Variants in CCDC126 observed in about 807,000 individuals in gnomAD.
CCDC126 encodes the protein coiled-coil domain containing 126.
Under a neutral mutation model 11.7 loss-of-function variants are expected in CCDC126, and 5 were observed. The observed-to-expected ratio is 0.43, with a 90% CI of 0.22 to 0.90. CCDC126 has a LOEUF of 0.90. Ranked by LOEUF, CCDC126 falls within the 40% of genes least tolerant of loss-of-function variation. The probability of loss-of-function intolerance (pLI) is 0.27; values close to 1 mark genes in which losing one functional copy is unlikely to be tolerated. For missense variants in CCDC126, 150 were observed against 163.1 expected, an observed-to-expected ratio of 0.92 and a Z score of 0.44; for synonymous variants, 60 against 61.9, an observed-to-expected ratio of 0.97 and a Z score of 0.14.
chr7:23,616,322 C>T (rs916572546), intron 3 of CCDC126, among the ~76,000 whole-genome samples: 1 of 152,182 alleles, frequency 6.6e-6, no homozygotes, highest in Non-Finnish European at 1.5e-5. Flanking sequence ...TTTAAGATCA[C>T]AATTTGTCAT....
intron 3 of CCDC126, among the ~76,000 whole-genome samples, chr7:23,613,003 G>GT (rs1315375679): frequency 3.3e-4 from 50 of 152,186 alleles, no homozygotes; most frequent in Admixed American, 2.9e-3. Context: ...CTCTATTTCA[G>GT]TTTTGTTTGT....
intron 2 of CCDC126, among the ~76,000 whole-genome samples, chr7:23,603,862 G>T (rs1782579667): frequency 6.6e-6 from 1 of 152,198 alleles, no homozygotes; most frequent in Admixed American, 6.5e-5. Context: ...TGTGGCAGCA[G>T]TGTAAGGCTT....
chr7:23,600,103 T>C (rs2128013268), intron 2 of CCDC126, among the ~76,000 whole-genome samples: 1 of 152,310 alleles, frequency 6.6e-6, no homozygotes, highest in Non-Finnish European at 1.5e-5. Context: ...AATTAAACTT[T>C]TACTGTAGCA....
intron 2 of CCDC126, among the ~76,000 whole-genome samples, chr7:23,602,781 G>A (rs76226712): frequency 0.018 from 2,748 of 152,046 alleles, 100 homozygotes; most frequent in African/African-American, 0.063. Flanking sequence ...GATGTTCCAA[G>A]ACACATCACC....
At chr7:23,642,431 G>T (rs1783378737) in intron 3 of CCDC126, among the ~76,000 whole-genome samples, 1 of 152,058 alleles carries the variant, frequency 6.6e-6, no homozygotes. Context: ...TTACAACTCT[G>T]AAATTCCTTT....
At chr7:23,642,844 A>T in intron 3 of CCDC126, 87 bp from the exon 4 acceptor site, 2 of 1,049,564 alleles carry the variant, frequency 1.9e-6, no homozygotes, top group Non-Finnish European at 1.4e-6. Context: ...ATGACCCAGT[A>T]GTTGTTCACC....
intron 3 of CCDC126, among the ~76,000 whole-genome samples, chr7:23,624,001 T>C (rs1304546651): frequency 2.0e-5 from 3 of 152,178 alleles, no homozygotes; most frequent in Non-Finnish European, 4.4e-5. Context: ...CAGTAGTACA[T>C]GGTGTAAAAT....
Position 23,611,414 on chromosome 7 carries a change from T to C in CCDC126, c.99T>C (p.Thr33=), listed in dbSNP as rs1256315467. 1.2e-6 allele frequency: 2 copies of C among 1,613,802 alleles called. No individual in the cohort carries two copies. Among genetic ancestry groups the C allele is most frequent in the Non-Finnish European group, 1.7e-6 (2 of 1,179,860 alleles). The change falls in exon 3 of 4, where the codon ACT becomes ACC. Residue 33 remains threonine, a synonymous_variant. Transcript: ENST00000307471. ...GGGGATTGATGTTACTGCACTATAC[T>C]TTTCAACAACCAAGACATCAAAGCA... is the stretch of plus-strand genomic sequence containing the variant. ...LIWGLMLLHY[T]FQQPRHQSSV...
Position 23,611,285 on chromosome 7 carries a change from C to T in CCDC126, c.-31C>T. 1.0e-5 allele frequency: 14 copies of T among 1,350,370 alleles called. No homozygotes were observed. The highest frequency in any genetic ancestry group is 4.7e-5 in the East Asian group (2 of 42,244). 83.6% of individuals were successfully genotyped at this position (1,350,370 alleles called of 1,614,324 possible). ...TGGCTTACCTCAAGTTACCATTTTTCAGTCAAGTCTGTTTGTTTGCTTCTT... is the reference window on the plus strand; with the variant it reads ...TGGCTTACCTCAAGTTACCATTTTTTAGTCAAGTCTGTTTGTTTGCTTCTT... On this transcript the variant is annotated 5_prime_UTR_variant, in exon 3 of 4. Coordinates refer to ENST00000307471, the MANE Select transcript of CCDC126 (RefSeq NM_138771.4).
chr7:23,626,156 T>C (rs1783012371), intron 3 of CCDC126, among the ~76,000 whole-genome samples: 1 of 152,112 alleles, frequency 6.6e-6, no homozygotes, highest in Non-Finnish European at 1.5e-5. Context: ...TTGTTTTTTG[T>C]TTGTTTTACA....
intron 2 of CCDC126, among the ~76,000 whole-genome samples, chr7:23,602,689 T>C (rs779632932): frequency 2.6e-5 from 4 of 152,186 alleles, no homozygotes; most frequent in Non-Finnish European, 5.9e-5. Context: ...TGGAAGGAAA[T>C]TGGAACCAGA....
intron 3 of CCDC126, among the ~76,000 whole-genome samples, chr7:23,624,152 CCTTT>C (rs1428571013): frequency 6.6e-6 from 1 of 152,134 alleles, no homozygotes; most frequent in Non-Finnish European, 1.5e-5. Flanking sequence ...ACTGTGGTCT[CCTTT>C]CTTGTTTGTT....
chr7:23,630,279 A>G (rs1189326799), intron 3 of CCDC126, among the ~76,000 whole-genome samples: 2 of 145,828 alleles, frequency 1.4e-5, no homozygotes, highest in Non-Finnish European at 3.0e-5. Context: ...CAGGCAGATC[A>G]TTTGAGGTCA....
chr7:23,601,050 A>G (rs1002759777), intron 2 of CCDC126, among the ~76,000 whole-genome samples: 4 of 146,238 alleles, frequency 2.7e-5, no homozygotes, highest in Non-Finnish European at 5.9e-5. Context: ...TCTCATATCA[A>G]TAATTAAAAA....
At position 23,644,418 on chromosome 7, in the gene CCDC126, G is replaced by C. The variant is rs1783423296; in HGVS notation, c.*1303G>C. 6.6e-6 allele frequency: 1 copy of C among 152,362 alleles called. No individual in the cohort carries two copies. The highest frequency in any genetic ancestry group is 1.5e-5 in the Non-Finnish European group (1 of 67,930). 9.4% of individuals were successfully genotyped at this position (152,362 alleles called of 1,614,324 possible). ...TAAGTGCAGCTAGCTTCTAGATTTA[G>C]ACTATATAGAATTTAGATATTGTAT... On this transcript the variant is annotated 3_prime_UTR_variant, in exon 4 of 4. Coordinates refer to ENST00000307471, the MANE Select transcript of CCDC126 (RefSeq NM_138771.4).
chr7:23,606,168 C>T (rs993438958), intron 2 of CCDC126, among the ~76,000 whole-genome samples: 2 of 152,098 alleles, frequency 1.3e-5, no homozygotes, highest in Non-Finnish European at 2.9e-5. Flanking sequence ...ACGCCATTCT[C>T]CTGCCTCAGC....
chr7:23,634,945 G>C (rs1271661065), intron 3 of CCDC126, among the ~76,000 whole-genome samples: 1 of 152,132 alleles, frequency 6.6e-6, no homozygotes, highest in Non-Finnish European at 1.5e-5. Context: ...ATTATGTTTA[G>C]CATAGTTAGA....
chr7:23,638,863 C>CAAAAAAAAAAAAAAAAAAA (rs61374394), intron 3 of CCDC126, among the ~76,000 whole-genome samples: 1 of 108,576 alleles, frequency 9.2e-6, no homozygotes, highest in African/African-American at 3.5e-5. Context: ...AATAAATTAA[C>CAAAAAAAAAAAAAAAAAAA]AAAAAAAAAA....
chr7:23,639,979 C>G (rs961097433), intron 3 of CCDC126, among the ~76,000 whole-genome samples: 1 of 151,638 alleles, frequency 6.6e-6, no homozygotes, highest in Non-Finnish European at 1.5e-5. Flanking sequence ...AGTTCGAGAC[C>G]AGAGACCAGC....
Sources: allele counts gnomAD v4.1 joint callset (sites outside exome capture counted in the v4.1 genomes callset), GRCh38; gene constraint gnomAD v4.1.1; transcripts MANE v1.5; gene names NCBI Gene and HGNC (gene_info 2026-07-23, HGNC 2026-07-21).